PURG: variants seen among roughly 807,000 people sequenced by gnomAD.
PURG encodes the protein purine rich element binding protein G.
In PURG, 3 loss-of-function variants were observed where a neutral mutation model predicts 24.3. That is an observed-to-expected ratio of 0.12 (90% CI 0.06 to 0.32). The LOEUF is 0.32. Ranked by LOEUF, PURG falls within the 10% of genes least tolerant of loss-of-function variation. The pLI, the probability that PURG is intolerant of heterozygous loss-of-function variation, is 1.00. For missense variants in PURG, 371 were observed against 439.1 expected, an observed-to-expected ratio of 0.84 and a Z score of 1.39; for synonymous variants, 180 against 173.1, an observed-to-expected ratio of 1.04 and a Z score of -0.31.
chr8:31,021,961 T>A (rs1479024361), intron 1 of PURG, among the ~76,000 whole-genome samples: 1 of 151,588 alleles, frequency 6.6e-6, no homozygotes, highest in African/African-American at 2.4e-5. Context: ...GGGACCAAAT[T>A]CATTTCTTTC....
intron 1 of PURG, among the ~76,000 whole-genome samples, chr8:31,012,427 A>G (rs1252015263): frequency 6.6e-6 from 1 of 152,208 alleles, no homozygotes; most frequent in African/African-American, 2.4e-5. Flanking sequence ...TAAAAATGGG[A>G]ACTGGGCAAA....
chr8:31,030,623 G>T (rs773296544), downstream of PURG, among the ~76,000 whole-genome samples: 23 of 151,042 alleles, frequency 1.5e-4, no homozygotes, highest in Non-Finnish European at 3.2e-4. Context: ...TCTCAGACTG[G>T]AAATTTGTAT....
At chr8:31,024,074 T>G (rs1563309413) in intron 1 of PURG, among the ~76,000 whole-genome samples, 1 of 152,170 alleles carries the variant, frequency 6.6e-6, no homozygotes, top group East Asian at 1.9e-4. Context: ...TTTAAAAAAT[T>G]AAAGTTTAGG....
chr8:30,999,176 T>A (rs2129766319), intron 1 of PURG, among the ~76,000 whole-genome samples: 1 of 151,978 alleles, frequency 6.6e-6, no homozygotes, highest in South Asian at 2.1e-4. Context: ...TTTTAAGCAC[T>A]TCTGTGTACT....
chr8:31,017,824 G>GA (rs1211210825), intron 1 of PURG, among the ~76,000 whole-genome samples: 1 of 152,120 alleles, frequency 6.6e-6, no homozygotes, highest in Non-Finnish European at 1.5e-5. Context: ...AGCAGTGCAA[G>GA]AAAAAATGGA....
intron 1 of PURG, among the ~76,000 whole-genome samples, chr8:31,024,575 T>C (rs1298627541): frequency 6.6e-6 from 1 of 152,174 alleles, no homozygotes. Context: ...AGCCACTGTC[T>C]TTCTCTTTTC....
exon 2 of PURG, chr8:30,996,651 C>T (rs1429078097): frequency 6.2e-7 from 1 of 1,612,024 alleles, no homozygotes; most frequent in Non-Finnish European, 8.5e-7. Flanking sequence ...GATTTGACAA[C>T]AGTGAAAAAG....
rs772678786 is a variant in PURG at position 31,017,404 on chromosome 8, AAG to A, written c.864+14513_864+14514del. On this transcript the variant is annotated intron_variant, in intron 1 of 1. Coordinates refer to the PURG transcript ENST00000339382. ...AATATATATTACACATACTCTCTAT[AAG>A]AGATTATATATCTATATCTATATCT... is the stretch of plus-strand genomic sequence containing the variant. 9.4e-4 allele frequency among the ~76,000 whole-genome samples: 120 copies of A among 128,038 alleles called. 1 individual carries two copies. Among genetic ancestry groups the A allele is most frequent in the Non-Finnish European group, 1.6e-3 (88 of 55,682 alleles). 84.0% of individuals were successfully genotyped at this position (128,038 alleles called of 152,430 possible).
At chr8:30,996,841 G>A in intron 1 of PURG, 1 of 645,044 alleles carries the variant, frequency 1.6e-6, no homozygotes, top group Non-Finnish European at 2.6e-6. Flanking sequence ...TTTTAGTTGT[G>A]TCTAGGCCAA....
intron 1 of PURG, among the ~76,000 whole-genome samples, chr8:31,014,678 A>G (rs1810826147): frequency 6.6e-6 from 1 of 152,228 alleles, no homozygotes; most frequent in South Asian, 2.1e-4. Context: ...AATTTGTCAA[A>G]TTCCAGAAAA....
chr8:31,018,552 A>T (rs1174986507), intron 1 of PURG, among the ~76,000 whole-genome samples: 1 of 152,216 alleles, frequency 6.6e-6, no homozygotes, highest in Non-Finnish European at 1.5e-5. Context: ...TTAAATCTAA[A>T]ATTTATCTTG....
chr8:31,032,493 T>G lies in PURG; in HGVS notation c.290A>C (p.Gln97Pro). ...IAEVWIGRGR[Q>P]DNIRKSKLTL... ...CAGTTTACTCTTTCTGATGTTGTCC[T>G]GCCGGCCTCTCCCTATCCAGACTTC... The change falls in exon 2 of 2, where the codon CAG becomes CCG. Residue 97 changes from glutamine (Q) to proline (P), a missense_variant. Transcript: ENST00000523392. This position sits in a 1 kb window ranked among gnomAD's most constrained non-coding sequence, Gnocchi z 5.9. 1 of 1,614,234 alleles carries G rather than the reference T, an allele frequency of 6.2e-7. No homozygotes were observed. Among genetic ancestry groups the G allele is most frequent in the Non-Finnish European group, 8.5e-7 (1 of 1,180,038 alleles).
chr8:31,027,790 A>G (rs1227410853), downstream of PURG, among the ~76,000 whole-genome samples: 1 of 151,700 alleles, frequency 6.6e-6, no homozygotes, highest in African/African-American at 2.4e-5. Context: ...CTAGTTTTCA[A>G]ATGTACATCT....
intron 1 of PURG, among the ~76,000 whole-genome samples, chr8:31,017,420 ATATCTATATC>A (rs766383582): frequency 6.6e-6 from 1 of 151,910 alleles, no homozygotes; most frequent in Non-Finnish European, 1.5e-5. Context: ...TTATATATCT[ATATCTATATC>A]TATCTATTAT....
In PURG at chr8:31,032,420, G is replaced by A. The variant is rs1472982923; in HGVS notation, c.363C>T (p.Asp121=). ...CCAGGTGGGCATAGTGCTCGATGAA[G>A]TCCCCTAGACAGTCCTTCAGCTCCG... is the stretch of plus-strand genomic sequence containing the variant. ...VAAELKDCLG[D]FIEHYAHLGL... is the part of the protein sequence containing the mutation. The change falls in exon 2 of 2, where the codon GAC becomes GAT. Residue 121 remains aspartate (D), a synonymous_variant. Transcript: ENST00000523392. This position sits in a 1 kb window ranked among gnomAD's most constrained non-coding sequence, Gnocchi z 5.9. 8 of 1,613,944 alleles carry A rather than the reference G, an allele frequency of 5.0e-6. No individual in the cohort carries two copies. The highest frequency in any genetic ancestry group is 1.6e-4 in the Middle Eastern group (1 of 6,084).
At position 31,032,920 on chromosome 8, in the gene PURG, A is replaced by G; in HGVS notation, c.-6-132T>C. The G allele has an allele frequency of 1.8e-6, 1 of 544,504 alleles. No homozygotes were observed. Among genetic ancestry groups the G allele is most frequent in the South Asian group, 8.5e-5 (1 of 11,772 alleles). 33.7% of individuals were successfully genotyped at this position (544,504 alleles called of 1,614,324 possible). On this transcript the variant is annotated intron_variant, in intron 1 of 1. Transcript: ENST00000523392. The surrounding 1 kb of genome is among the most constrained non-coding windows in gnomAD (Gnocchi z 5.9). Reference sequence around the variant, plus strand: ...CCGGGCCCGGCTCCCCCGGCGCCGCAGCGCGGGGCTCCAGCCACTGCCGGC... The same window carrying G: ...CCGGGCCCGGCTCCCCCGGCGCCGCGGCGCGGGGCTCCAGCCACTGCCGGC...
rs185843881 is a variant in PURG, at chr8:31,015,166, A to C, written c.864+16753T>G. Among the ~76,000 whole-genome samples, 864 of 152,304 alleles carry C rather than the reference A, an allele frequency of 5.7e-3. 7 individuals are homozygous for C. The highest frequency in any genetic ancestry group is 9.6e-3 in the Non-Finnish European group (656 of 68,022). ...TGGTAGTTGCCAGGCTTGCGGGGGA[A>C]AGGAAGATGGGGAGTTGTTCAATGG... is the stretch of plus-strand genomic sequence containing the variant. On this transcript the variant is annotated intron_variant, in intron 1 of 1. Transcript: ENST00000339382.
chr8:31,028,098 T>G (rs1407419716), downstream of PURG, among the ~76,000 whole-genome samples: 3 of 151,808 alleles, frequency 2.0e-5, no homozygotes, highest in Non-Finnish European at 4.4e-5. Flanking sequence ...TCTAGACAAA[T>G]TCCCCAAATT....
intron 1 of PURG, among the ~76,000 whole-genome samples, chr8:31,024,318 C>T (rs1179727721): frequency 6.6e-6 from 1 of 152,126 alleles, no homozygotes; most frequent in East Asian, 1.9e-4. Context: ...TCACAGTCCA[C>T]TGATACAGAA....
Sources: gnomAD v4.1 joint callset for allele counts (sites outside exome capture counted in the v4.1 genomes callset) on GRCh38, gnomAD v4.1.1 for gene constraint, Gnocchi (gnomAD v3.1) non-coding constraint, MANE v1.5 for transcripts, NCBI Gene and HGNC (gene_info 2026-07-23, HGNC 2026-07-21) for gene names.